ATP8A1: variants seen among roughly 807,000 people sequenced by gnomAD.
ATP8A1 encodes phospholipid-transporting ATPase IA.
Under a neutral mutation model 177.7 loss-of-function variants are expected in ATP8A1, and 90 were observed. That is an observed-to-expected ratio of 0.51 (90% CI 0.43 to 0.60). The LOEUF (loss-of-function observed/expected upper bound fraction) is 0.60. Ranked by LOEUF, ATP8A1 falls within the 20% of genes least tolerant of loss-of-function variation. ATP8A1 has a pLI of 0.00. For synonymous variants in ATP8A1, 493 were observed against 485.9 expected (o/e 1.01, Z -0.19); for missense variants, 1,072 against 1,392.8 (o/e 0.77, Z 3.67).
At chr4:42,509,484 T>G (rs1244588227) in intron 22 of ATP8A1, among the ~76,000 whole-genome samples, 1 of 152,206 alleles carries the variant, frequency 6.6e-6, no homozygotes, top group East Asian at 1.9e-4. Flanking sequence ...CATGAGTATG[T>G]ATGTCTAAGT....
chr4:42,651,324 G>A (rs533558324), intron 1 of ATP8A1, among the ~76,000 whole-genome samples: 3 of 152,296 alleles, frequency 2.0e-5, no homozygotes, highest in East Asian at 1.9e-4. Flanking sequence ...ATGTGGAAAT[G>A]ACTTTGGAAC....
intron 1 of ATP8A1, among the ~76,000 whole-genome samples, chr4:42,633,281 C>A (rs1738936992): frequency 6.6e-6 from 1 of 152,162 alleles, no homozygotes; most frequent in Non-Finnish European, 1.5e-5. Context: ...CTTATATGCA[C>A]ACAGTACAAT....
At chr4:42,436,215 T>C (rs1715978433) in intron 33 of ATP8A1, among the ~76,000 whole-genome samples, 2 of 152,098 alleles carry the variant, frequency 1.3e-5, no homozygotes, top group African/African-American at 2.4e-5. Context: ...GTTTATGACA[T>C]CAATGCCCCA....
At chr4:42,618,829 C>G (rs778336986) in intron 4 of ATP8A1, among the ~76,000 whole-genome samples, 8 of 152,172 alleles carry the variant, frequency 5.3e-5, no homozygotes, top group Non-Finnish European at 8.8e-5. Context: ...GTCTACCATA[C>G]CTGCTGAGTC....
chr4:42,604,059 C>T (rs1487222148), intron 5 of ATP8A1, among the ~76,000 whole-genome samples: 2 of 152,164 alleles, frequency 1.3e-5, no homozygotes, highest in Admixed American at 6.5e-5. Flanking sequence ...TCCTTATGCC[C>T]TCTGTAGTGA....
intron 32 of ATP8A1, 86 bp from the exon 33 acceptor site, chr4:42,443,758 T>A (rs1716901348): frequency 3.0e-6 from 2 of 666,716 alleles, no homozygotes; most frequent in Non-Finnish European, 5.4e-6. Context: ...ATTCCCTTAT[T>A]AACTTTTTAT....
intron 33 of ATP8A1, among the ~76,000 whole-genome samples, chr4:42,436,160 G>A (rs760627192): frequency 9.9e-5 from 15 of 152,114 alleles, no homozygotes; most frequent in Non-Finnish European, 1.8e-4. Context: ...GCTTTCATAC[G>A]TTGCTCATCA....
intron 21 of ATP8A1, among the ~76,000 whole-genome samples, chr4:42,524,546 TG>T (rs1726483332): frequency 6.6e-6 from 1 of 152,056 alleles, no homozygotes; most frequent in South Asian, 2.1e-4. Context: ...ATCTAAAACG[TG>T]GGGACAAAGT....
chr4:42,451,187 G>T (rs903480658), intron 30 of ATP8A1, among the ~76,000 whole-genome samples: 4 of 152,120 alleles, frequency 2.6e-5, no homozygotes, highest in African/African-American at 9.7e-5. Context: ...ATCATCAGTG[G>T]GCAGCAGCAG....
At chr4:42,628,967 G>T (rs1738421608) in intron 1 of ATP8A1, among the ~76,000 whole-genome samples, 1 of 152,170 alleles carries the variant, frequency 6.6e-6, no homozygotes, top group African/African-American at 2.4e-5. Flanking sequence ...CTTAGCTGAG[G>T]AACTGGGTGT....
intron 1 of ATP8A1, among the ~76,000 whole-genome samples, chr4:42,636,846 A>G (rs1739446359): frequency 1.3e-5 from 2 of 152,178 alleles, no homozygotes; most frequent in East Asian, 1.9e-4. Context: ...CAGTCAGTCA[A>G]TTTGCCATCT....
In ATP8A1 at chr4:42,414,650, T is replaced by C. The variant is rs768669151; in HGVS notation, c.3374A>G (p.Glu1125Gly). ...ACGGAGCAGATTTTGTTGCAAGGAT[T>C]CAGAGCGGTACAAGTTCACGTGGTT... ...KKNHVNLYRS[E>G]SLQQNLLHGY... is the part of the protein sequence containing the mutation. Residue 1125 changes from glutamate (E) to glycine (G), a missense_variant, in exon 36 of 37, where the codon GAA becomes GGA. By Grantham distance (98) the Glu-to-Gly change is moderately conservative. Around this residue, in one of 5 missense-constraint regions of ATP8A1, gnomAD observed 316 missense variants for 459.1 expected, o/e 0.69. Transcript: ENST00000381668. 1 of 1,613,906 alleles carries C rather than the reference T, an allele frequency of 6.2e-7. No homozygotes were observed. Among genetic ancestry groups the C allele is most frequent in the Non-Finnish European group, 8.5e-7 (1 of 1,179,812 alleles).
At chr4:42,508,222 T>G (rs1438863573) in intron 22 of ATP8A1, among the ~76,000 whole-genome samples, 1 of 152,190 alleles carries the variant, frequency 6.6e-6, no homozygotes, top group African/African-American at 2.4e-5. Context: ...AACCTCCGCC[T>G]CCCAGGTCCA....
At chr4:42,573,184 C>A (rs947521278) in intron 14 of ATP8A1, among the ~76,000 whole-genome samples, 1 of 152,122 alleles carries the variant, frequency 6.6e-6, no homozygotes, top group African/African-American at 2.4e-5. Context: ...ATTTGATGAA[C>A]CTGCTTATTG....
intron 23 of ATP8A1, among the ~76,000 whole-genome samples, chr4:42,504,170 C>G (rs1040765371): frequency 1.3e-5 from 2 of 152,126 alleles, no homozygotes; most frequent in African/African-American, 2.4e-5. Context: ...GATCTCATTC[C>G]GTCTCATGAT....
intron 12 of ATP8A1, 138 bp from the exon 13 acceptor site, chr4:42,575,837 T>C (rs1732388278): frequency 1.4e-6 from 1 of 701,668 alleles, no homozygotes; most frequent in Non-Finnish European, 2.4e-6. Context: ...AATTTCCTGT[T>C]ATTCCTATAC....
chr4:42,533,014 TGCACCCAGGTGA>T (rs1727435350), intron 20 of ATP8A1, among the ~76,000 whole-genome samples: 1 of 152,210 alleles, frequency 6.6e-6, no homozygotes, highest in Non-Finnish European at 1.5e-5. Flanking sequence ...TCAGCCCACC[TGCACCCAGGTGA>T]AATAAACAGC....
At chr4:42,531,177 G>A (rs537330923) in intron 20 of ATP8A1, among the ~76,000 whole-genome samples, 17 of 152,164 alleles carry the variant, frequency 1.1e-4, no homozygotes, top group Non-Finnish European at 2.2e-4. Context: ...CCATTAGGGC[G>A]ACTCTTAGTA....
chr4:42,512,847 G>GT (rs1560408641), intron 22 of ATP8A1, among the ~76,000 whole-genome samples: 1 of 152,290 alleles, frequency 6.6e-6, no homozygotes, highest in Non-Finnish European at 1.5e-5. Context: ...GTCTGAGAAC[G>GT]TAACTATGAG....
Sources: gnomAD v4.1 joint callset for allele counts (sites outside exome capture counted in the v4.1 genomes callset) on GRCh38, gnomAD v4.1.1 for gene constraint, gnomAD v4.1.1 regional missense constraint, MANE v1.5 for transcripts, NCBI Gene and HGNC (gene_info 2026-07-23, HGNC 2026-07-21) for gene names.